DMD: variants seen among roughly 807,000 people sequenced by gnomAD.
DMD encodes the protein mutant dystrophin.
Under a neutral mutation model 330.1 loss-of-function variants are expected in DMD, and 63 were observed. That is an observed-to-expected ratio of 0.19 (90% CI 0.16 to 0.24). DMD has a LOEUF of 0.24. Among genes scored for constraint, DMD ranks in the 10% least tolerant of loss-of-function variants. The pLI is 1.00. For missense variants in DMD, 3,344 were observed against 2,684.1 expected (o/e 1.25, Z -5.43); for synonymous variants, 1,223 against 959.8 (o/e 1.27, Z -5.07).
chrX:31,149,101 T>C (rs1010196836), intron 74 of DMD, among the ~76,000 whole-genome samples: 2 of 112,427 alleles, frequency 1.8e-5, no homozygotes, highest in African/African-American at 6.5e-5. Context: ...ATTTGGTTTT[T>C]CACATTTAGG....
chrX:33,221,646 G>C (rs1319632610), intron 1 of DMD, among the ~76,000 whole-genome samples: 1 of 110,694 alleles, frequency 9.0e-6, no homozygotes, highest in Non-Finnish European at 1.9e-5. Context: ...AAAAAATTGA[G>C]AGGACACAAG....
Position 31,204,079 on chromosome X carries a change from T to A in DMD, c.9689A>T (p.Asp3230Val). 1 of 1,211,450 alleles carries A rather than the reference T, an allele frequency of 8.3e-7. No individual in the cohort carries two copies. Among genetic ancestry groups the A allele is most frequent in the Non-Finnish European group, 1.1e-6 (1 of 895,276 alleles). Reference protein sequence around the residue: ...KQVASSTGFCDQRRLGLLLHD... With the variant: ...KQVASSTGFCVQRRLGLLLHD... ...CAGAAGGAGGCCCAGCCTGCGCTGG[T>A]CACAAAATCCTGTTGAACTTGCCAC... Residue 3230 changes from aspartate to valine, a missense_variant, in exon 67 of 79, where the codon GAC becomes GTC. Physicochemically the swap from Asp to Val is radical, Grantham distance 152 (BLOSUM62 -3). Coordinates refer to ENST00000357033, the MANE Select transcript of DMD (RefSeq NM_004006.3).
intron 47 of DMD, among the ~76,000 whole-genome samples, chrX:31,925,827 G>A (rs755096401): frequency 1.9e-5 from 2 of 103,582 alleles, no homozygotes; most frequent in Admixed American, 1.1e-4. Flanking sequence ...AGTGGAGATC[G>A]TGCCATTGCA....
At chrX:32,949,976 A>AGGTG (rs2091140603) in intron 2 of DMD, among the ~76,000 whole-genome samples, 1 of 62,383 alleles carries the variant, frequency 1.6e-5, no homozygotes, top group African/African-American at 9.4e-5. Flanking sequence ...AAAAAAAAAA[A>AGGTG]AAAAAATAGA....
At chrX:31,825,844 G>A (rs1020336481) in intron 49 of DMD, among the ~76,000 whole-genome samples, 3 of 111,607 alleles carry the variant, frequency 2.7e-5, no homozygotes, top group Non-Finnish European at 3.8e-5. Flanking sequence ...AATGAGATGG[G>A]TCACTAAGAT....
chrX:32,869,327 GC>G (rs2082765735), intron 2 of DMD, among the ~76,000 whole-genome samples: 1 of 111,019 alleles, frequency 9.0e-6, no homozygotes, highest in African/African-American at 3.3e-5. Flanking sequence ...AACTCAAAAA[GC>G]CAGAGTGCCT....
rs1219843193 is a variant in DMD at position 32,749,098 on chromosome X, C to T, written c.650-49805G>A. 4.6e-4 allele frequency among the ~76,000 whole-genome samples: 51 copies of T among 111,832 alleles called. 1 individual carries two copies. The highest frequency in any genetic ancestry group is 7.5e-5 in the Non-Finnish European group (4 of 53,146). ...ACTCATTATTTTATATGCTATGGCA[C>T]GATTTCCCCCCTACCAAATTTACTA... On this transcript the variant is annotated intron_variant, in intron 7 of 78. Transcript: ENST00000357033.
intron 47 of DMD, among the ~76,000 whole-genome samples, chrX:31,880,521 A>G (rs1312174860): frequency 8.9e-6 from 1 of 112,601 alleles, no homozygotes; most frequent in African/African-American, 3.2e-5. Flanking sequence ...TTAGTAATCA[A>G]TGAAATGCAA....
intron 9 of DMD, among the ~76,000 whole-genome samples, chrX:32,654,017 C>T (rs1160506690): frequency 8.9e-6 from 1 of 112,175 alleles, no homozygotes; most frequent in South Asian, 3.6e-4. Flanking sequence ...TGAGACTTTG[C>T]TGAAGTTGCT....
chrX:31,542,992 T>C (rs997870216), intron 55 of DMD, among the ~76,000 whole-genome samples: 3 of 111,863 alleles, frequency 2.7e-5, no homozygotes, highest in South Asian at 3.7e-4. Flanking sequence ...AGGGCAGAGT[T>C]CTAGCCAGTA....
At chrX:31,284,842 ACACACACACAC>A (rs1465929134) in intron 62 of DMD, among the ~76,000 whole-genome samples, 3 of 107,297 alleles carry the variant, frequency 2.8e-5, no homozygotes, top group Non-Finnish European at 5.8e-5. Flanking sequence ...ACACACACAC[ACACACACACAC>A]ACACACACAC....
At chrX:31,257,253 G>A (rs2050058535) in intron 63 of DMD, among the ~76,000 whole-genome samples, 1 of 94,703 alleles carries the variant, frequency 1.1e-5, no homozygotes, top group African/African-American at 4.1e-5. Context: ...TAGCTTCCAC[G>A]GTAGAGTATG....
chrX:33,167,418 T>C (rs1452814193), intron 1 of DMD, among the ~76,000 whole-genome samples: 1 of 111,305 alleles, frequency 9.0e-6, no homozygotes, highest in Non-Finnish European at 1.9e-5. Context: ...TAGTAATTAT[T>C]TGAAAGATTT....
intron 44 of DMD, among the ~76,000 whole-genome samples, chrX:31,999,678 A>G (rs896583093): frequency 1.8e-5 from 2 of 112,054 alleles, no homozygotes; most frequent in African/African-American, 3.2e-5. Context: ...GCAAAGCTCT[A>G]TAGCCAATGA....
At chrX:31,526,963 A>G (rs987669048) in intron 55 of DMD, among the ~76,000 whole-genome samples, 3 of 111,533 alleles carry the variant, frequency 2.7e-5, no homozygotes, top group Non-Finnish European at 5.7e-5. Context: ...TACAAAAAGT[A>G]GCGGGGTGTG....
At chrX:31,961,953 A>G (rs1420409562) in intron 45 of DMD, among the ~76,000 whole-genome samples, 2 of 110,395 alleles carry the variant, frequency 1.8e-5, no homozygotes, top group Non-Finnish European at 3.8e-5. Context: ...GAAGGTTGGT[A>G]GGAAGAAATT....
rs1277167333 is a variant in DMD at position 32,369,417 on chromosome X, T to A, written c.4846-4218A>T. Reference sequence around the variant, plus strand: ...TAGAAATTTAAAAAGGCATGTTCGGTTCAGGGTTCAGCTATCGGCTCACTT... The same window carrying A: ...TAGAAATTTAAAAAGGCATGTTCGGATCAGGGTTCAGCTATCGGCTCACTT... On this transcript the variant is annotated intron_variant, in intron 34 of 78. Coordinates refer to ENST00000357033, the MANE Select transcript of DMD (RefSeq NM_004006.3). Among the ~76,000 whole-genome samples the A allele has an allele frequency of 2.7e-5, 3 of 111,539 alleles. No homozygotes were observed. The East Asian group carries it at 8.5e-4, about 31-fold the overall frequency.
intron 25 of DMD, among the ~76,000 whole-genome samples, chrX:32,459,221 G>GT (rs1465514889): frequency 9.0e-6 from 1 of 111,018 alleles, no homozygotes; most frequent in Non-Finnish European, 1.9e-5. Context: ...GAGGTGATAG[G>GT]TAAGTTTATC....
intron 5 of DMD, among the ~76,000 whole-genome samples, chrX:32,822,143 TAAGC>T (rs1216888798): frequency 8.9e-6 from 1 of 112,083 alleles, no homozygotes; most frequent in African/African-American, 3.2e-5. Context: ...TGGAAAACTT[TAAGC>T]AATCAATACA....
Sources: gnomAD v4.1 joint callset for allele counts (sites outside exome capture counted in the v4.1 genomes callset) on GRCh38, gnomAD v4.1.1 for gene constraint, MANE v1.5 for transcripts, NCBI Gene and HGNC (gene_info 2026-07-23, HGNC 2026-07-21) for gene names.